Variants in PARD3B observed in about 807,000 individuals in gnomAD.
The protein encoded by PARD3B is par-3 family cell polarity regulator beta.
A neutral mutation model predicts 130.2 loss-of-function variants in PARD3B; 103 were observed. That is an observed-to-expected ratio of 0.79 (90% CI 0.67 to 0.93). The LOEUF is 0.93. Ranked by LOEUF, PARD3B falls within the 40% of genes least tolerant of loss-of-function variation. The probability of loss-of-function intolerance (pLI) is 0.00; values close to 1 mark genes in which losing one functional copy is unlikely to be tolerated. For synonymous variants in PARD3B, 583 were observed against 553.2 expected (o/e 1.05, Z -0.76); for missense variants, 1,609 against 1,499.2 (o/e 1.07, Z -1.21).
intron 3 of PARD3B, among the ~76,000 whole-genome samples, chr2:204,997,462 C>G (rs1030570799): frequency 6.6e-6 from 1 of 152,084 alleles, no homozygotes; most frequent in Non-Finnish European, 1.5e-5. Context: ...GTTTTTGTAC[C>G]TATTTGGATC....
chr2:205,278,874 A>C (rs1384681146), intron 16 of PARD3B, among the ~76,000 whole-genome samples: 1 of 152,016 alleles, frequency 6.6e-6, no homozygotes, highest in Non-Finnish European at 1.5e-5. Context: ...GTTCGAGACC[A>C]GGTTGACCAA....
intron 20 of PARD3B, among the ~76,000 whole-genome samples, chr2:205,457,107 T>C (rs1429934294): frequency 6.6e-6 from 1 of 151,850 alleles, no homozygotes; most frequent in Non-Finnish European, 1.5e-5. Flanking sequence ...TCCAGTGAAA[T>C]CATCTGGGCC....
intron 19 of PARD3B, among the ~76,000 whole-genome samples, chr2:205,414,808 G>T (rs1440578015): frequency 6.6e-6 from 1 of 152,006 alleles, no homozygotes; most frequent in East Asian, 1.9e-4. Flanking sequence ...GATTGCCAAA[G>T]AAAGTTTCAA....
intron 15 of PARD3B, among the ~76,000 whole-genome samples, chr2:205,217,885 TATA>T (rs2038022826): frequency 1.0e-5 from 1 of 100,130 alleles, no homozygotes; most frequent in African/African-American, 4.3e-5. Context: ...TATATATATA[TATA>T]TATATATTTT....
intron 22 of PARD3B, among the ~76,000 whole-genome samples, chr2:205,587,200 G>GTCAT (rs1356699806): frequency 1.3e-5 from 2 of 152,224 alleles, no homozygotes; most frequent in Non-Finnish European, 2.9e-5. Context: ...ATTTGAATGA[G>GTCAT]TCATTGCATC....
chr2:205,150,202 A>C (rs1050205748), intron 10 of PARD3B, among the ~76,000 whole-genome samples: 12 of 145,206 alleles, frequency 8.3e-5, no homozygotes, highest in Non-Finnish European at 1.5e-4. Context: ...TTACTACGCC[A>C]GCCAGGCTCT....
intron 2 of PARD3B, among the ~76,000 whole-genome samples, chr2:204,766,986 T>TTTTAA: frequency 2.9e-5 from 3 of 102,780 alleles, no homozygotes; most frequent in Non-Finnish European, 4.2e-5. Context: ...TTTTTCACAT[T>TTTTAA]TTTTATTTTA....
intron 1 of PARD3B, among the ~76,000 whole-genome samples, chr2:204,597,275 G>T (rs1450353802): frequency 6.6e-6 from 1 of 151,492 alleles, no homozygotes; most frequent in Non-Finnish European, 1.5e-5. Context: ...TTTTGGTAGC[G>T]ATCTTAATGA....
intron 18 of PARD3B, among the ~76,000 whole-genome samples, chr2:205,315,834 C>CCAT (rs1219132607): frequency 7.2e-5 from 11 of 152,176 alleles, no homozygotes; most frequent in Non-Finnish European, 1.5e-4. Context: ...ACCTCAAGCC[C>CCAT]CATCTCCTTT....
At position 205,301,468 on chromosome 2, in the gene PARD3B, T is replaced by A. The variant is rs1201283744; in HGVS notation, c.2397T>A (p.Gly799=). The part of the protein sequence containing the change: ...YDGPEEIEAD[G]LSDKSSHSGQ... ...GATTATTTTTTCTCTGTACAGACGG[T>A]CTGTCTGATAAGAGCTCTCACTCTG... The change falls in exon 18 of 23, where the codon GGT becomes GGA. Residue 799 remains glycine, a synonymous_variant. Coordinates refer to ENST00000406610, the MANE Select transcript of PARD3B (RefSeq NM_001302769.2). The surrounding 1 kb of genome is among the most constrained non-coding windows in gnomAD (Gnocchi z 5.2). The A allele has an allele frequency of 3.1e-6, 5 of 1,609,928 alleles. No individual in the cohort carries two copies. In the Admixed American group the frequency reaches 8.5e-5, roughly 27 times the overall value.
At chr2:205,349,850 G>C (rs1442488071) in intron 18 of PARD3B, among the ~76,000 whole-genome samples, 1 of 139,334 alleles carries the variant, frequency 7.2e-6, no homozygotes, top group African/African-American at 2.7e-5. Flanking sequence ...GGAGGAGAGT[G>C]ATATTGTGTT....
At chr2:204,616,757 AC>A (rs2034127264) in intron 1 of PARD3B, among the ~76,000 whole-genome samples, 1 of 152,226 alleles carries the variant, frequency 6.6e-6, no homozygotes, top group African/African-American at 2.4e-5. Context: ...AAATGATGGT[AC>A]ATCCAGACAA....
intron 21 of PARD3B, among the ~76,000 whole-genome samples, chr2:205,515,552 T>C (rs992623498): frequency 7.3e-6 from 1 of 136,086 alleles, no homozygotes; most frequent in Non-Finnish European, 1.5e-5. Flanking sequence ...GGGTGTGAGA[T>C]GGTATCGCGA....
chr2:204,958,222 C>T (rs867785105), intron 2 of PARD3B, among the ~76,000 whole-genome samples: 2 of 152,064 alleles, frequency 1.3e-5, no homozygotes, highest in African/African-American at 2.4e-5. Context: ...AAAATTCAGG[C>T]TATAAAAATG....
intron 18 of PARD3B, among the ~76,000 whole-genome samples, chr2:205,363,672 C>G (rs6751822): frequency 0.2 from 30,685 of 151,632 alleles, 4,096 homozygotes; most frequent in African/African-American, 0.38. Context: ...GTTTTGTTTT[C>G]TTTTCTTTTT....
intron 18 of PARD3B, among the ~76,000 whole-genome samples, chr2:205,314,592 C>T (rs550560915): frequency 1.9e-3 from 285 of 152,096 alleles, no homozygotes; most frequent in African/African-American, 6.7e-3. Flanking sequence ...AAGAGGTTTC[C>T]CAGAACAATT....
chr2:205,489,032 T>G (rs1461179383), intron 20 of PARD3B, among the ~76,000 whole-genome samples: 1 of 152,210 alleles, frequency 6.6e-6, no homozygotes, highest in Non-Finnish European at 1.5e-5. Context: ...TATTTTTCTT[T>G]GCATGTATGT....
At position 204,759,316 on chromosome 2, in the gene PARD3B, A is replaced by G. The variant is rs1183047904; in HGVS notation, c.222+73034A>G. Among the ~76,000 whole-genome samples the G allele has an allele frequency of 1.3e-5, 2 of 152,172 alleles. 1 individual carries two copies. The highest frequency in any genetic ancestry group is 4.1e-4 in the South Asian group (2 of 4,830). ...TACCTGGTAAAGTAAAACTTTTCAA[A>G]TAAGTATAAATTAAAAAGGAAATCT... On this transcript the variant is annotated intron_variant, in intron 2 of 22. Transcript: ENST00000406610.
At chr2:204,714,014 T>C (rs1048518628) in intron 2 of PARD3B, among the ~76,000 whole-genome samples, 2 of 152,216 alleles carry the variant, frequency 1.3e-5, no homozygotes, top group African/African-American at 4.8e-5. Flanking sequence ...TATTAACACA[T>C]ATATGTATGC....
Sources: gnomAD v4.1 joint callset for allele counts (sites outside exome capture counted in the v4.1 genomes callset) on GRCh38, gnomAD v4.1.1 for gene constraint, Gnocchi (gnomAD v3.1) non-coding constraint, MANE v1.5 for transcripts, NCBI Gene and HGNC (gene_info 2026-07-23, HGNC 2026-07-21) for gene names.